The following MTMR10 variants were observed in gnomAD, a reference collection of about 807,000 sequenced individuals.
The protein encoded by MTMR10 is myotubularin-related protein 10.
A neutral mutation model predicts 88.1 loss-of-function variants in MTMR10; 56 were observed. The observed-to-expected ratio is 0.64, with a 90% CI of 0.51 to 0.79. The LOEUF (loss-of-function observed/expected upper bound fraction) is 0.79. MTMR10 is among the 30% of genes least tolerant of loss of function. The pLI is 0.00. For missense variants in MTMR10, 883 were observed against 924.7 expected (o/e 0.95, Z 0.58); for synonymous variants, 380 against 340.9 (o/e 1.11, Z -1.26).
downstream of MTMR10, among the ~76,000 whole-genome samples, chr15:30,936,681 A>G (rs1464544542): frequency 3.4e-4 from 52 of 152,296 alleles, no homozygotes; most frequent in Non-Finnish European, 1.2e-4. Flanking sequence ...TGCATTTAAC[A>G]TATTTATCCC....
At chr15:30,935,641 G>A (rs928501412), downstream of MTMR10, among the ~76,000 whole-genome samples, 4 of 152,110 alleles carry the variant, frequency 2.6e-5, no homozygotes, top group African/African-American at 9.7e-5. Context: ...GGTAACAGAG[G>A]GGGTCCTTGA....
intron 14 of MTMR10, among the ~76,000 whole-genome samples, chr15:30,945,158 C>CT (rs1357488353): frequency 2.6e-5 from 4 of 152,036 alleles, no homozygotes; most frequent in Non-Finnish European, 5.9e-5. Context: ...ATGCTTTGGG[C>CT]TTTTGCCTGT....
In MTMR10 at chr15:30,941,626, G is replaced by T. The variant is rs373665066; in HGVS notation, c.2178C>A (p.Thr726=). 1 of 1,605,986 alleles carries T rather than the reference G, an allele frequency of 6.2e-7. No individual in the cohort carries two copies. ...MYFNASGPHH[T]DTSGTPEFLS... is the part of the protein sequence containing the mutation. ...GAAACTCCGGTGTCCCCGAGGTGTC[G>T]GTGTGGTGAGGGCCGCTGGCGTTGA... is the stretch of plus-strand genomic sequence containing the variant. Residue 726 remains threonine, a synonymous_variant, in exon 16 of 16, where the codon ACC becomes ACA. Transcript: ENST00000435680.
chr15:30,933,568 G>C, the MTMR10 span, among the ~76,000 whole-genome samples: 1 of 152,180 alleles, frequency 6.6e-6, no homozygotes, highest in Admixed American at 6.5e-5. Context: ...TGAATATTCT[G>C]TTTGTACTTG....
intron 5 of MTMR10, among the ~76,000 whole-genome samples, chr15:30,970,314 G>A (rs922474581): frequency 6.6e-6 from 1 of 152,082 alleles, no homozygotes; most frequent in Non-Finnish European, 1.5e-5. Context: ...AATACAGAAA[G>A]TTAGATAACT....
chr15:30,954,373 C>T (rs977545935), intron 10 of MTMR10, among the ~76,000 whole-genome samples: 9 of 152,176 alleles, frequency 5.9e-5, no homozygotes, highest in African/African-American at 2.2e-4. Context: ...AATTCTGATG[C>T]TACAGATATA....
chr15:30,936,787 G>A (rs542963137), downstream of MTMR10, among the ~76,000 whole-genome samples: 100 of 152,298 alleles, frequency 6.6e-4, no homozygotes, highest in Non-Finnish European at 1.1e-3. Context: ...ACTGCAAACC[G>A]TAGAGTACTG....
At chr15:30,963,670 C>CAGATAGATAGACAGACAGAT (rs1555409481) in intron 6 of MTMR10, among the ~76,000 whole-genome samples, 1,645 of 99,512 alleles carry the variant, frequency 0.017, 11 homozygotes, top group African/African-American at 0.029. Flanking sequence ...GATAGACAGA[C>CAGATAGATAGACAGACAGAT]AGATAGATAG....
At chr15:30,972,739 T>C (rs1010292398) in intron 5 of MTMR10, among the ~76,000 whole-genome samples, 9 of 152,176 alleles carry the variant, frequency 5.9e-5, no homozygotes, top group African/African-American at 2.2e-4. Flanking sequence ...ATCTTACCCT[T>C]CTTTCTACTT....
At chr15:30,919,373 C>T in the MTMR10 span, among the ~76,000 whole-genome samples, 292 of 100,632 alleles carry the variant, frequency 2.9e-3, 2 homozygotes, top group African/African-American at 0.012. Context: ...AGCAAAACTC[C>T]GTCTCAAAAA....
chr15:30,976,524 G>A (rs2030163136), intron 3 of MTMR10, among the ~76,000 whole-genome samples: 1 of 152,088 alleles, frequency 6.6e-6, no homozygotes, highest in African/African-American at 2.4e-5. Flanking sequence ...ATTTTTATAA[G>A]CAGGTTAAAA....
chr15:30,948,454 A>T lies in MTMR10; in HGVS notation c.1225T>A (p.Leu409Met), dbSNP rs1474215883. ...ACAAGAGAAGCTACACAACAGCTCAAGTCTCTTCCTTCCTCCTCTGTTAAT... is the reference window on the plus strand; with the variant it reads ...ACAAGAGAAGCTACACAACAGCTCATGTCTCTTCCTTCCTCCTCTGTTAAT... ...VVLQEEEGRD[L>M]SCCVASLVQV... Residue 409 changes from leucine to methionine, a missense_variant, in exon 13 of 16, where the codon TTG (leucine) becomes ATG (methionine). Transcript: ENST00000435680. 5 of 1,608,674 alleles carry T rather than the reference A, an allele frequency of 3.1e-6. No individual in the cohort carries two copies. The South Asian group carries it at 5.6e-5, about 18-fold the overall frequency.
At chr15:30,929,620 ATATT>A in the MTMR10 span, among the ~76,000 whole-genome samples, 4 of 127,720 alleles carry the variant, frequency 3.1e-5, no homozygotes, top group African/African-American at 9.4e-5. Flanking sequence ...TATATAATAT[ATATT>A]ATATATTATA....
chr15:30,964,567 T>C (rs2063450227), intron 6 of MTMR10, among the ~76,000 whole-genome samples: 1 of 152,250 alleles, frequency 6.6e-6, no homozygotes, highest in African/African-American at 2.4e-5. Flanking sequence ...CATTACAGAA[T>C]GTGTAATGTA....
At chr15:30,978,371 G>C (rs1053488092) in intron 2 of MTMR10, among the ~76,000 whole-genome samples, 1 of 152,198 alleles carries the variant, frequency 6.6e-6, no homozygotes, top group African/African-American at 2.4e-5. Context: ...GTAGGTGCCT[G>C]TGAAAAGAGT....
downstream of MTMR10, chr15:30,937,230 G>A (rs769682343): frequency 3.7e-6 from 6 of 1,613,954 alleles, no homozygotes; most frequent in Non-Finnish European, 5.1e-6. Flanking sequence ...GGTTGCAGTT[G>A]GAGCTAAGAG....
chr15:30,930,504 A>G, the MTMR10 span: 5 of 1,559,794 alleles, frequency 3.2e-6, no homozygotes, highest in Admixed American at 2.2e-5. Flanking sequence ...ATTCTCTGTC[A>G]CGAGGGAAGT....
chr15:30,951,364 T>C (rs1044952588), intron 12 of MTMR10, among the ~76,000 whole-genome samples: 4 of 152,240 alleles, frequency 2.6e-5, no homozygotes, highest in Middle Eastern at 3.4e-3. Flanking sequence ...AGAGAGAGAA[T>C]GCCCTGTCAA....
rs1566959989 is a variant in MTMR10, at chr15:30,968,048, CACTT to C, written c.475-42_475-39del. 5 of 1,414,130 alleles carry C rather than the reference CACTT, an allele frequency of 3.5e-6. No individual in the cohort carries two copies. The South Asian group carries it at 3.8e-5, about 11-fold the overall frequency. 87.6% of individuals were successfully genotyped at this position (1,414,130 alleles called of 1,614,324 possible). On this transcript the variant is annotated intron_variant, in intron 5 of 15. Transcript: ENST00000435680. The stretch of plus-strand genomic sequence containing the variant: ...CTACATTTAGAATTTGATTTTAACA[CACTT>C]AGTTAAATGAAATGTACAATAAGGC...
Sources: allele counts gnomAD v4.1 joint callset (sites outside exome capture counted in the v4.1 genomes callset), GRCh38; gene constraint gnomAD v4.1.1; transcripts MANE v1.5; gene names NCBI Gene and HGNC (gene_info 2026-07-23, HGNC 2026-07-21).